ADGRG2: variants seen among roughly 807,000 people sequenced by gnomAD.
ADGRG2 encodes the protein G protein-coupled receptor 64.
In ADGRG2, 26 loss-of-function variants were observed where a neutral mutation model predicts 74.1. That is an observed-to-expected ratio of 0.35 (90% CI 0.26 to 0.49). The LOEUF is 0.49. Ranked by LOEUF, ADGRG2 falls within the 20% of genes least tolerant of loss-of-function variation. ADGRG2 has a pLI of 0.99. For synonymous variants in ADGRG2, 296 were observed against 295.2 expected (o/e 1.00, Z -0.03); for missense variants, 619 against 763.1 (o/e 0.81, Z 2.22).
At chrX:19,045,283 TG>T (rs1169582475) in intron 3 of ADGRG2, among the ~76,000 whole-genome samples, 3 of 101,116 alleles carry the variant, frequency 3.0e-5, no homozygotes, top group African/African-American at 8.0e-5. Flanking sequence ...AATACAGAAA[TG>T]GGGGGTGTTG....
At chrX:19,080,953 C>A (rs760996796) in intron 2 of ADGRG2, among the ~76,000 whole-genome samples, 6 of 109,359 alleles carry the variant, frequency 5.5e-5, no homozygotes, top group African/African-American at 2.0e-4. Context: ...ATCTAGTTGA[C>A]GAATGTTTAT....
intron 1 of ADGRG2, among the ~76,000 whole-genome samples, chrX:19,108,184 A>C (rs1285663017): frequency 9.2e-6 from 1 of 108,122 alleles, no homozygotes; most frequent in Non-Finnish European, 1.9e-5. Context: ...AAGTTACAGA[A>C]AGCCAGGTGC....
chrX:19,000,978 G>A (rs754215751), intron 24 of ADGRG2, among the ~76,000 whole-genome samples: 67 of 110,535 alleles, frequency 6.1e-4, no homozygotes, highest in Middle Eastern at 4.6e-3. Flanking sequence ...CAGGTGATCC[G>A]CCCACCTCGG....
intron 8 of ADGRG2, chrX:19,031,393 G>C: frequency 6.1e-6 from 1 of 162,979 alleles, no homozygotes; most frequent in Non-Finnish European, 1.2e-5. Context: ...CTTAATCATA[G>C]ATCCTCCTTC....
chrX:19,093,779 A>G (rs2062049472), intron 1 of ADGRG2, among the ~76,000 whole-genome samples: 1 of 111,481 alleles, frequency 9.0e-6, no homozygotes, highest in Admixed American at 9.6e-5. Context: ...GCAAATTTCA[A>G]TGACTGTGGT....
At chrX:19,031,811 G>GT (rs1346442322) in intron 8 of ADGRG2, 1 of 111,837 alleles carries the variant, frequency 8.9e-6, no homozygotes, top group Admixed American at 9.5e-5. Context: ...GAGGAGAAGT[G>GT]TATCTCTTCT....
rs770997584 is a variant in ADGRG2 at position 19,083,570 on chromosome X, T to A, written c.-46-824A>T. Among the ~76,000 whole-genome samples, 7 of 111,245 alleles carry A rather than the reference T, an allele frequency of 6.3e-5. No individual in the cohort carries two copies. The South Asian group carries it at 2.3e-3, about 37-fold the overall frequency. On this transcript the variant is annotated intron_variant, in intron 1 of 28. Coordinates refer to ENST00000379869, the MANE Select transcript of ADGRG2 (RefSeq NM_001079858.3). The stretch of plus-strand genomic sequence containing the variant: ...CAGAATTGTTTCTCCACTAAAGGGC[T>A]AACTCTTGGTTAATTACTAAGTTTG...
rs2060274774 is a variant in ADGRG2 at position 19,008,123 on chromosome X, C to A, written c.1423G>T (p.Val475Phe). Reference sequence around the variant, plus strand: ...TCAGGAGCTTGGGTTTCCAGAGAAACCTGAAAATCAAGTGGAAGATAAGAA... The same window carrying A: ...TCAGGAGCTTGGGTTTCCAGAGAAAACTGAAAATCAAGTGGAAGATAAGAA... ...FVAQDPANLQ[V>F]SLETQAPENS... is the part of the protein sequence containing the mutation. Residue 475 changes from valine (V) to phenylalanine (F), a missense_variant and splice_region_variant, in exon 19 of 29, where the codon GTT becomes TTT. Transcript: ENST00000379869. 1 of 1,167,998 alleles carries A rather than the reference C, an allele frequency of 8.6e-7. No homozygotes were observed. Among genetic ancestry groups the A allele is most frequent in the Non-Finnish European group, 1.2e-6 (1 of 866,852 alleles).
At chrX:19,038,940 G>T (rs938157048) in intron 4 of ADGRG2, among the ~76,000 whole-genome samples, 1 of 112,142 alleles carries the variant, frequency 8.9e-6, no homozygotes, top group African/African-American at 3.2e-5. Context: ...GATCAAAAGA[G>T]CTTGGACTTT....
chrX:19,042,789 G>A (rs1350023264), intron 3 of ADGRG2, among the ~76,000 whole-genome samples: 1 of 111,038 alleles, frequency 9.0e-6, no homozygotes, highest in African/African-American at 3.3e-5. Flanking sequence ...CCAGGAGTTC[G>A]AGACCAGCCT....
chrX:19,025,366 TG>T (rs913147065), intron 11 of ADGRG2, among the ~76,000 whole-genome samples: 2 of 111,216 alleles, frequency 1.8e-5, no homozygotes, highest in African/African-American at 6.5e-5. Context: ...CTGGGATTTT[TG>T]AAAGCTCCCA....
At chrX:19,008,437 G>A (rs1460912680) in intron 18 of ADGRG2, among the ~76,000 whole-genome samples, 3 of 111,125 alleles carry the variant, frequency 2.7e-5, no homozygotes, top group Non-Finnish European at 3.8e-5. Context: ...AGGCCGAGTC[G>A]GGAGGATCAC....
In ADGRG2 at chrX:19,019,619, T is replaced by C; in HGVS notation, c.690A>G (p.Glu230=). 8.7e-7 allele frequency: 1 copy of C among 1,154,455 alleles called. No homozygotes were observed. The highest frequency in any genetic ancestry group is 1.2e-6 in the Non-Finnish European group (1 of 844,527). Residue 230 remains glutamate, a synonymous_variant, in exon 15 of 29, where the codon GAA becomes GAG. Coordinates refer to ENST00000379869, the MANE Select transcript of ADGRG2 (RefSeq NM_001079858.3). ...CATACCACTGAAGCTTTTCCAACTC[T>C]TCTGGGGAGGAAGGGCAGGGTATCC... ...SVRIPCPSSP[E]ELEKLQCDLQ...
chrX:19,004,714 G>A, intron 23 of ADGRG2, 44 bp downstream of exon 23: 6 of 1,175,113 alleles, frequency 5.1e-6, no homozygotes, highest in Non-Finnish European at 6.9e-6. Context: ...CAATGGAGGT[G>A]AGTGCTGAGT....
chrX:19,105,163 C>T (rs1428924244), intron 1 of ADGRG2, among the ~76,000 whole-genome samples: 2 of 111,412 alleles, frequency 1.8e-5, no homozygotes, highest in African/African-American at 6.5e-5. Context: ...TCCCATATTG[C>T]CTAGGCTGGT....
At chrX:19,046,787 G>C (rs1373459611) in intron 3 of ADGRG2, among the ~76,000 whole-genome samples, 3 of 111,716 alleles carry the variant, frequency 2.7e-5, no homozygotes, top group African/African-American at 9.8e-5. Flanking sequence ...TCTGTCCAGT[G>C]AGACTGGAAT....
At chrX:19,003,460 C>T (rs1490552190) in intron 23 of ADGRG2, among the ~76,000 whole-genome samples, 1 of 111,854 alleles carries the variant, frequency 8.9e-6, no homozygotes, top group Non-Finnish European at 1.9e-5. Flanking sequence ...CTAGCACCAA[C>T]CCTTATGTAA....
intron 8 of ADGRG2, chrX:19,033,379 T>TC: frequency 3.4e-6 from 1 of 292,778 alleles, no homozygotes; most frequent in East Asian, 6.1e-5. Context: ...TTGCCTTGTC[T>TC]CCACCCATAG....
intron 24 of ADGRG2, among the ~76,000 whole-genome samples, chrX:19,000,855 C>T (rs1468283533): frequency 9.3e-6 from 1 of 107,702 alleles, no homozygotes; most frequent in Admixed American, 9.9e-5. Flanking sequence ...GTGCCTCAGC[C>T]TCCCAAGTAG....
Sources: allele counts gnomAD v4.1 joint callset (sites outside exome capture counted in the v4.1 genomes callset), GRCh38; gene constraint gnomAD v4.1.1; transcripts MANE v1.5; gene names NCBI Gene and HGNC (gene_info 2026-07-23, HGNC 2026-07-21).